Variants in CDH18 observed in about 807,000 individuals in gnomAD.
CDH18 encodes the protein cadherin-18.
CDH18 carries 31 observed loss-of-function variants against 67.9 expected under a neutral mutation model. That is an observed-to-expected ratio of 0.46 (90% CI 0.34 to 0.62). The LOEUF (loss-of-function observed/expected upper bound fraction) is 0.62, where lower values mean the gene tolerates loss of function less well. Ranked by LOEUF, CDH18 falls within the 20% of genes least tolerant of loss-of-function variation. CDH18 has a pLI of 0.01. For synonymous variants in CDH18, 362 were observed against 347.2 expected (o/e 1.04, Z -0.48); for missense variants, 890 against 975.5 (o/e 0.91, Z 1.17).
intron 2 of CDH18, among the ~76,000 whole-genome samples, chr5:20,033,920 T>A (rs1299093630): frequency 6.6e-6 from 1 of 152,070 alleles, no homozygotes; most frequent in Non-Finnish European, 1.5e-5. Flanking sequence ...ATTTGATGTA[T>A]ATTTCTTTAA....
At chr5:20,269,900 C>T (rs983085102) in intron 1 of CDH18, among the ~76,000 whole-genome samples, 3 of 151,848 alleles carry the variant, frequency 2.0e-5, no homozygotes, top group African/African-American at 7.3e-5. Flanking sequence ...AGAAAATGTA[C>T]AGAATTCAAA....
chr5:20,562,309 A>G (rs1249643504), intron 1 of CDH18, among the ~76,000 whole-genome samples: 1 of 151,840 alleles, frequency 6.6e-6, no homozygotes, highest in Non-Finnish European at 1.5e-5. Flanking sequence ...TTGGTACTAT[A>G]CACAAAGGAA....
chr5:19,935,093 A>G (rs1439499099), intron 2 of CDH18, among the ~76,000 whole-genome samples: 1 of 151,192 alleles, frequency 6.6e-6, no homozygotes, highest in African/African-American at 2.4e-5. Context: ...ATGTTCTTTC[A>G]TTGTTAGCTG....
At chr5:20,120,930 A>G (rs1393771451) in intron 2 of CDH18, among the ~76,000 whole-genome samples, 1 of 152,132 alleles carries the variant, frequency 6.6e-6, no homozygotes, top group Non-Finnish European at 1.5e-5. Flanking sequence ...TTAGATTTTC[A>G]TATATAATGA....
At chr5:20,172,198 A>ACGTATATACATATATATACG (rs1554098671) in intron 2 of CDH18, among the ~76,000 whole-genome samples, 1 of 46,486 alleles carries the variant, frequency 2.2e-5, no homozygotes, top group Admixed American at 2.2e-4. Context: ...GTGTATATAT[A>ACGTATATACATATATATACG]TATATATATA....
chr5:20,021,290 A>G (rs1738397769), intron 2 of CDH18, among the ~76,000 whole-genome samples: 1 of 151,864 alleles, frequency 6.6e-6, no homozygotes, highest in Admixed American at 6.6e-5. Context: ...TGGATTTTGG[A>G]CTTTTAAGTT....
chr5:20,243,974 C>T (rs1743183279), intron 2 of CDH18, among the ~76,000 whole-genome samples: 1 of 152,018 alleles, frequency 6.6e-6, no homozygotes, highest in African/African-American at 2.4e-5. Flanking sequence ...TCTGTATGCT[C>T]AGACCTCTGG....
chr5:19,786,594 AG>A, intron 3 of CDH18, among the ~76,000 whole-genome samples: 1 of 152,338 alleles, frequency 6.6e-6, no homozygotes, highest in Admixed American at 6.5e-5. Flanking sequence ...ATAATATCAT[AG>A]AATAGGCTTT....
intron 1 of CDH18, among the ~76,000 whole-genome samples, chr5:20,264,942 C>A (rs546764398): frequency 1.3e-5 from 2 of 151,844 alleles, no homozygotes; most frequent in South Asian, 4.2e-4. Context: ...GATTTTCTGG[C>A]AATAAGAACA....
At chr5:19,746,096 GA>G (rs1466942211) in intron 4 of CDH18, among the ~76,000 whole-genome samples, 1 of 151,884 alleles carries the variant, frequency 6.6e-6, no homozygotes, top group Non-Finnish European at 1.5e-5. Flanking sequence ...AAAGATAGTC[GA>G]AAAGTATTAT....
rs867834060 is a variant in CDH18 at position 19,835,370 on chromosome 5, G to C, written c.228+3389C>G. Among the ~76,000 whole-genome samples, 6 of 152,114 alleles carry C rather than the reference G, an allele frequency of 3.9e-5. No individual in the cohort carries two copies. In the South Asian group the frequency reaches 1.0e-3, roughly 26 times the overall value. On this transcript the variant is annotated intron_variant, in intron 3 of 12. Coordinates refer to ENST00000382275, the MANE Select transcript of CDH18 (RefSeq NM_004934.5). ...AAAAACACACACCAGGGCCTGTTGG[G>C]GGGTGGGGAGGGAACTTAGAAGACA...
intron 1 of CDH18, among the ~76,000 whole-genome samples, chr5:20,490,801 G>A (rs1753541283): frequency 6.6e-6 from 1 of 151,962 alleles, no homozygotes; most frequent in African/African-American, 2.4e-5. Context: ...AACCTCCTAA[G>A]GTTCATGTAA....
intron 9 of CDH18, among the ~76,000 whole-genome samples, chr5:19,529,095 G>T (rs1748197133): frequency 6.6e-6 from 1 of 151,882 alleles, no homozygotes; most frequent in Admixed American, 6.6e-5. Context: ...TGCTAAGAAT[G>T]CTCTCTGGGA....
intron 3 of CDH18, among the ~76,000 whole-genome samples, chr5:19,771,868 C>A (rs547036827): frequency 2.3e-4 from 35 of 152,226 alleles, no homozygotes; most frequent in African/African-American, 8.4e-4. Context: ...GCAATATATT[C>A]TTTACTTCAT....
intron 5 of CDH18, among the ~76,000 whole-genome samples, chr5:19,629,880 A>G (rs1005706461): frequency 6.6e-6 from 1 of 152,160 alleles, no homozygotes; most frequent in Non-Finnish European, 1.5e-5. Flanking sequence ...GAAGAAAAAA[A>G]TTTGTAGAAG....
chr5:20,506,137 C>T (rs537159333), intron 1 of CDH18, among the ~76,000 whole-genome samples: 57 of 152,296 alleles, frequency 3.7e-4, no homozygotes, highest in South Asian at 3.7e-3. Flanking sequence ...TGTTGAGATG[C>T]TGGGATCCTC....
chr5:20,065,601 T>C (rs1457884726), intron 2 of CDH18, among the ~76,000 whole-genome samples: 2 of 152,034 alleles, frequency 1.3e-5, no homozygotes, highest in East Asian at 3.9e-4. Context: ...TAGCTTACTC[T>C]AACTTACTGT....
chr5:20,211,630 G>T (rs1242954894), intron 2 of CDH18, among the ~76,000 whole-genome samples: 1 of 152,204 alleles, frequency 6.6e-6, no homozygotes, highest in East Asian at 1.9e-4. Context: ...CAGGCAAACA[G>T]AGACTGGAGT....
intron 1 of CDH18, among the ~76,000 whole-genome samples, chr5:20,538,544 C>T (rs975433056): frequency 1.3e-5 from 2 of 152,082 alleles, no homozygotes; most frequent in African/African-American, 4.8e-5. Context: ...GGCTGAAAGG[C>T]TATGTGGCTC....
Sources: allele counts gnomAD v4.1 joint callset (sites outside exome capture counted in the v4.1 genomes callset), GRCh38; gene constraint gnomAD v4.1.1; transcripts MANE v1.5; gene names NCBI Gene and HGNC (gene_info 2026-07-23, HGNC 2026-07-21).